The following NDST3 variants were observed in gnomAD, a reference collection of about 807,000 sequenced individuals.
NDST3 encodes N-deacetylase and N-sulfotransferase 3.
Under a neutral mutation model 96.1 loss-of-function variants are expected in NDST3, and 58 were observed. That is an observed-to-expected ratio of 0.60 (90% CI 0.49 to 0.75). The LOEUF (loss-of-function observed/expected upper bound fraction) is 0.75. Among genes scored for constraint, NDST3 ranks in the 30% least tolerant of loss-of-function variants. NDST3 has a pLI of 0.00. For synonymous variants in NDST3, 333 were observed against 359.7 expected, an observed-to-expected ratio of 0.93 and a Z score of 0.84; for missense variants, 788 against 1,034.2, an observed-to-expected ratio of 0.76 and a Z score of 3.27.
intron 4 of NDST3, 39 bp downstream of exon 4, chr4:118,114,999 T>C (rs752883266): frequency 6.3e-7 from 1 of 1,578,316 alleles, no homozygotes; most frequent in Admixed American, 1.7e-5. Context: ...TAGTGTACAC[T>C]GATTGGAGAA....
intron 2 of NDST3, among the ~76,000 whole-genome samples, chr4:118,057,410 C>A (rs2110456696): frequency 6.6e-6 from 1 of 152,026 alleles, no homozygotes; most frequent in African/African-American, 2.4e-5. Flanking sequence ...AATTCATCAT[C>A]CTATAGGGAA....
intron 9 of NDST3, among the ~76,000 whole-genome samples, chr4:118,236,135 T>C (rs1172439816): frequency 6.6e-6 from 1 of 152,208 alleles, no homozygotes; most frequent in Non-Finnish European, 1.5e-5. Context: ...GGCTTATGAA[T>C]TGAAGGGGGT....
intron 2 of NDST3, among the ~76,000 whole-genome samples, chr4:118,068,370 T>C (rs2125796417): frequency 6.6e-6 from 1 of 152,196 alleles, no homozygotes; most frequent in African/African-American, 2.4e-5. Context: ...ACTGTTAACT[T>C]GTAAATGAAC....
intron 6 of NDST3, among the ~76,000 whole-genome samples, chr4:118,162,989 C>G (rs1735279847): frequency 6.6e-6 from 1 of 150,528 alleles, no homozygotes; most frequent in South Asian, 2.1e-4. Flanking sequence ...AGCCAAAAAA[C>G]ACATGAAAAA....
Position 118,044,492 on chromosome 4 carries a change from A to C in NDST3, c.-155-9264A>C, listed in dbSNP as rs1724640326. Among the ~76,000 whole-genome samples the C allele has an allele frequency of 2.0e-5, 3 of 152,136 alleles. No individual in the cohort carries two copies. The South Asian group carries it at 6.2e-4, about 31-fold the overall frequency. ...TGTCCCTTCCCTACAATTCTCCCTC[A>C]CCTATGATGATTAACAGTTTACGAC... On this transcript the variant is annotated intron_variant, in intron 1 of 13. Coordinates refer to ENST00000296499, the MANE Select transcript of NDST3 (RefSeq NM_004784.3).
chr4:118,040,556 T>C lies in NDST3; in HGVS notation c.-156+5964T>C, dbSNP rs551516361. 8.9e-4 allele frequency among the ~76,000 whole-genome samples: 135 copies of C among 152,282 alleles called. 2 individuals are homozygous for C. The highest frequency in any genetic ancestry group is 3.1e-3 in the African/African-American group (127 of 41,544). ...CTCATAGCTATCCCTTTATGAACCC[T>C]TAGTGTACTTTCATTGGTCATCTTC... On this transcript the variant is annotated intron_variant, in intron 1 of 13. Transcript: ENST00000296499.
At chr4:118,192,329 T>C (rs1423029706) in intron 6 of NDST3, among the ~76,000 whole-genome samples, 2 of 152,202 alleles carry the variant, frequency 1.3e-5, no homozygotes, top group Non-Finnish European at 2.9e-5. Flanking sequence ...TTGCCTGTGC[T>C]TGTGGGGTAT....
intron 6 of NDST3, 97 bp downstream of exon 6, chr4:118,143,781 G>A: frequency 2.3e-6 from 3 of 1,330,670 alleles, no homozygotes; most frequent in Non-Finnish European, 3.0e-6. Context: ...CATCAGCCAA[G>A]CCAATATGAA....
intron 6 of NDST3, chr4:118,193,806 C>T: frequency 6.7e-7 from 1 of 1,483,284 alleles, no homozygotes. Flanking sequence ...TGACACATGG[C>T]CAGGTTGAGG....
chr4:118,035,561 AT>A (rs1254252536), intron 1 of NDST3, among the ~76,000 whole-genome samples: 7 of 151,636 alleles, frequency 4.6e-5, no homozygotes, highest in Non-Finnish European at 7.4e-5. Flanking sequence ...GCTGAAGGGA[AT>A]TTTTTTCCCT....
chr4:118,242,175 T>C, intron 12 of NDST3, 26 bp downstream of exon 12: 2 of 1,449,988 alleles, frequency 1.4e-6, no homozygotes, highest in Non-Finnish European at 1.9e-6. Context: ...AATTAGTTTA[T>C]TGACATTTCA....
chr4:118,055,097 G>C (rs75853426), intron 2 of NDST3: 43,352 of 647,776 alleles, frequency 0.067, 1,788 homozygotes, highest in Non-Finnish European at 0.085. Context: ...TTTACTAAAA[G>C]ATTGAGTGTG....
At chr4:118,062,618 T>C (rs1725987313) in intron 2 of NDST3, among the ~76,000 whole-genome samples, 1 of 152,150 alleles carries the variant, frequency 6.6e-6, no homozygotes, top group Non-Finnish European at 1.5e-5. Flanking sequence ...TGTACAGTTA[T>C]TTTAAGGAAA....
intron 1 of NDST3, among the ~76,000 whole-genome samples, chr4:118,045,236 G>A (rs1724695830): frequency 1.3e-5 from 2 of 151,682 alleles, no homozygotes; most frequent in Admixed American, 6.6e-5. Context: ...ATCCTTCAAG[G>A]CTCTACCCAA....
chr4:118,180,219 G>A (rs772245493), intron 6 of NDST3, among the ~76,000 whole-genome samples: 3 of 152,018 alleles, frequency 2.0e-5, no homozygotes, highest in African/African-American at 7.2e-5. Flanking sequence ...CTGAGAATAG[G>A]ACCCAACAGC....
chr4:118,204,915 TAG>T (rs1553944100), intron 6 of NDST3, among the ~76,000 whole-genome samples: 1 of 144,406 alleles, frequency 6.9e-6, no homozygotes, highest in Non-Finnish European at 1.5e-5. Flanking sequence ...AGTGTGAAAT[TAG>T]AGTCAACAAA....
At chr4:118,180,050 T>A (rs2125949230) in intron 6 of NDST3, among the ~76,000 whole-genome samples, 1 of 151,620 alleles carries the variant, frequency 6.6e-6, no homozygotes, top group African/African-American at 2.4e-5. Context: ...AGAGGGGGAG[T>A]GGAGGAAGAG....
intron 2 of NDST3, 82 bp downstream of exon 2, chr4:118,054,973 G>A (rs1301412120): frequency 1.3e-6 from 2 of 1,556,556 alleles, no homozygotes; most frequent in Admixed American, 3.4e-5. Flanking sequence ...ACTACAACTG[G>A]GTTACCCAGG....
chr4:118,203,947 C>T (rs566758220), intron 6 of NDST3, among the ~76,000 whole-genome samples: 6 of 152,240 alleles, frequency 3.9e-5, no homozygotes, highest in East Asian at 1.9e-4. Flanking sequence ...TTTGCATCCC[C>T]TGAAATATTG....
Sources: allele counts gnomAD v4.1 joint callset (sites outside exome capture counted in the v4.1 genomes callset), GRCh38; gene constraint gnomAD v4.1.1; transcripts MANE v1.5; gene names NCBI Gene and HGNC (gene_info 2026-07-23, HGNC 2026-07-21).